Variants in BRD4 observed in about 807,000 individuals in gnomAD.
The protein encoded by BRD4 is bromodomain containing 4, also known as bromodomain-containing protein 4.
In BRD4, 16 loss-of-function variants were observed where a neutral mutation model predicts 142.1. The observed-to-expected ratio is 0.11, with a 90% CI of 0.08 to 0.17. The LOEUF (loss-of-function observed/expected upper bound fraction) is 0.17, where lower values mean the gene tolerates loss of function less well. Among genes scored for constraint, BRD4 ranks in the 10% least tolerant of loss-of-function variants. BRD4 has a pLI of 1.00. For missense variants in BRD4, 1,424 were observed against 1,810.9 expected (o/e 0.79, Z 3.88); for synonymous variants, 833 against 707.5 (o/e 1.18, Z -2.82).
In BRD4 at chr19:15,253,537, C is replaced by T. The variant is rs770613024; in HGVS notation, c.2158+615G>A. The T allele has an allele frequency of 1.5e-5, 23 of 1,538,640 alleles. 1 individual carries two copies. Among genetic ancestry groups the T allele is most frequent in the East Asian group, 1.4e-4 (6 of 41,490 alleles). ...CAGGAGGGACACGCAAGTCCAGGTG[C>T]GTGTGGAGTTAGGGCAGATTCAGGA... On this transcript the variant is annotated intron_variant, in intron 11 of 19. Coordinates refer to ENST00000679869, the MANE Select transcript of BRD4 (RefSeq NM_001379291.1).
At position 15,273,037 on chromosome 19, in the gene BRD4, T is replaced by C; in HGVS notation, c.63A>G (p.Leu21=). Residue 21 remains leucine, a synonymous_variant, in exon 2 of 20, where the codon CTA becomes CTG. Coordinates refer to ENST00000679869, the MANE Select transcript of BRD4 (RefSeq NM_001379291.1). ...LRNLPVMGDG[L]ETSQMSTTQA... ...GTGTTGTAGACATTTGGGAAGTTTC[T>C]AGTCCATCCCCCATTACTGGCAGAT... 6.2e-7 allele frequency: 1 copy of C among 1,613,476 alleles called. No homozygotes were observed. Among genetic ancestry groups the C allele is most frequent in the Non-Finnish European group, 8.5e-7 (1 of 1,179,486 alleles).
At chr19:15,319,238 G>C (rs951985460) in intron 1 of BRD4, among the ~76,000 whole-genome samples, 2 of 152,114 alleles carry the variant, frequency 1.3e-5, no homozygotes, top group Non-Finnish European at 2.9e-5. Flanking sequence ...GGGAGGCCAA[G>C]GTGGGCAGAT....
chr19:15,325,458 C>G (rs1277672054), intron 1 of BRD4, among the ~76,000 whole-genome samples: 1 of 152,108 alleles, frequency 6.6e-6, no homozygotes, highest in Non-Finnish European at 1.5e-5. Flanking sequence ...AAGTCCAACT[C>G]TGGGCAGGAG....
intron 1 of BRD4, among the ~76,000 whole-genome samples, chr19:15,330,644 G>A (rs2048148902): frequency 6.6e-6 from 1 of 152,088 alleles, no homozygotes; most frequent in African/African-American, 2.4e-5. Context: ...GCGGGCGCCT[G>A]TAGTCCCAGC....
At chr19:15,255,212 A>C in intron 10 of BRD4, 85 bp downstream of exon 10, 1 of 1,306,192 alleles carries the variant, frequency 7.7e-7, no homozygotes, top group Non-Finnish European at 1.0e-6. Context: ...GGGGGGGCGC[A>C]GAAAGAGTGG....
intron 1 of BRD4, among the ~76,000 whole-genome samples, chr19:15,291,707 C>T (rs2047783103): frequency 6.6e-6 from 1 of 152,182 alleles, no homozygotes; most frequent in African/African-American, 2.4e-5. Flanking sequence ...AAAACCACAG[C>T]TTCCATTTGG....
At chr19:15,263,300 C>T in intron 7 of BRD4, 120 bp downstream of exon 7, 2 of 1,282,426 alleles carry the variant, frequency 1.6e-6, no homozygotes, top group South Asian at 2.9e-5. Context: ...TCTAAAGCAA[C>T]ATGGCATTAT....
intron 1 of BRD4, among the ~76,000 whole-genome samples, chr19:15,322,922 C>T (rs1389463843): frequency 3.0e-5 from 4 of 135,212 alleles, no homozygotes; most frequent in Non-Finnish European, 3.2e-5. Flanking sequence ...TGGTGGTGGG[C>T]GCCTGTAGTC....
At chr19:15,283,167 C>A (rs919910833) in intron 1 of BRD4, among the ~76,000 whole-genome samples, 5 of 152,068 alleles carry the variant, frequency 3.3e-5, no homozygotes, top group African/African-American at 1.2e-4. Flanking sequence ...ATACGGGGGA[C>A]ACACTTGGAG....
chr19:15,307,258 G>A (rs1323935380), intron 1 of BRD4, among the ~76,000 whole-genome samples: 1 of 152,184 alleles, frequency 6.6e-6, no homozygotes, highest in Non-Finnish European at 1.5e-5. Flanking sequence ...GAGCGCTGCA[G>A]GGTGGGTAGG....
intron 1 of BRD4, among the ~76,000 whole-genome samples, chr19:15,300,012 A>C (rs919745258): frequency 6.6e-6 from 1 of 152,214 alleles, no homozygotes; most frequent in African/African-American, 2.4e-5. Context: ...TGGGAGGCTG[A>C]GGTGAGAGGA....
chr19:15,276,865 G>A (rs148299946), intron 1 of BRD4, among the ~76,000 whole-genome samples: 7 of 152,296 alleles, frequency 4.6e-5, no homozygotes, highest in Non-Finnish European at 8.8e-5. Context: ...CTGTGGAGGA[G>A]AAGGGCAGGG....
In BRD4 at chr19:15,332,537, A is replaced by T. The variant is rs939033068; in HGVS notation, c.-282T>A. 11 of 137,172 alleles carry T rather than the reference A, an allele frequency of 8.0e-5. No homozygotes were observed. The highest frequency in any genetic ancestry group is 1.6e-4 in the Non-Finnish European group (11 of 67,014). 8.5% of individuals were successfully genotyped at this position (137,172 alleles called of 1,614,324 possible). ...CCGCCGCCGCCGCCGCCGCCAGCGC[A>T]CTGACGTCACCGCGCACGCTGCGCG... On this transcript the variant is annotated 5_prime_UTR_variant, in exon 1 of 20. Transcript: ENST00000679869.
chr19:15,255,490 G>A lies in BRD4; in HGVS notation c.1854C>T (p.Leu618=), dbSNP rs1358722056. Residue 618 remains leucine, a synonymous_variant, in exon 10 of 20, where the codon CTC becomes CTT. Transcript: ENST00000679869. The part of the protein sequence containing the change: ...KPMSYEEKRQ[L]SLDINKLPGE... Reference sequence around the variant, plus strand: ...CGGGGAGCTTGTTGATGTCCAAGCTGAGCTGCCGCTTCTCCTCATAGGACA... The same window carrying A: ...CGGGGAGCTTGTTGATGTCCAAGCTAAGCTGCCGCTTCTCCTCATAGGACA... The A allele has an allele frequency of 6.2e-7, 1 of 1,614,078 alleles. No individual in the cohort carries two copies. The highest frequency in any genetic ancestry group is 8.5e-7 in the Non-Finnish European group (1 of 1,180,044).
In BRD4 at chr19:15,239,207, T is replaced by C. The variant is rs201079722; in HGVS notation, c.3634A>G (p.Thr1212Ala). The C allele has an allele frequency of 6.2e-7, 1 of 1,611,604 alleles. No individual in the cohort carries two copies. The highest frequency in any genetic ancestry group is 1.3e-5 in the African/African-American group (1 of 74,606). Residue 1212 changes from threonine to alanine, a missense_variant, in exon 18 of 20, where the codon ACC becomes GCC. Thr to Ala is a moderately conservative substitution (Grantham distance 58). Around this residue, in one of 16 missense-constraint regions of BRD4, gnomAD observed 49 missense variants for 97.3 expected, o/e 0.50. Coordinates refer to ENST00000679869, the MANE Select transcript of BRD4 (RefSeq NM_001379291.1). The surrounding 1 kb of genome is among the most constrained non-coding windows in gnomAD (Gnocchi z 7.4). Reference sequence around the variant, plus strand: ...GATGACTTGGCTGTGGAGGAGGGGGTGGTCGGATGCTTCTGCACTAGGCTG... The same window carrying C: ...GATGACTTGGCTGTGGAGGAGGGGGCGGTCGGATGCTTCTGCACTAGGCTG... ...WASLVQKHPT[T>A]PSSTAKSSSD...
chr19:15,321,179 G>C (rs1421380072), intron 1 of BRD4, among the ~76,000 whole-genome samples: 1 of 152,002 alleles, frequency 6.6e-6, no homozygotes, highest in Admixed American at 6.6e-5. Context: ...AGCCGAGATG[G>C]TGCCACTGCA....
rs978671938 is a variant in BRD4, at chr19:15,288,642, G to A, written c.-34-15509C>T. The stretch of plus-strand genomic sequence containing the variant: ...TTCCCTTGTTTTTACCAAAGCAGCC[G>A]AGCAGCTGGTGCTACACAGGCTGGT... On this transcript the variant is annotated intron_variant, in intron 1 of 19. Coordinates refer to ENST00000679869, the MANE Select transcript of BRD4 (RefSeq NM_001379291.1). Among the ~76,000 whole-genome samples, 6 of 152,170 alleles carry A rather than the reference G, an allele frequency of 3.9e-5. No individual in the cohort carries two copies. The South Asian group carries it at 1.2e-3, about 32-fold the overall frequency.
At position 15,264,677 on chromosome 19, in the gene BRD4, G is replaced by C. The variant is rs776506668; in HGVS notation, c.939C>G (p.Pro313=). 9 of 1,613,540 alleles carry C rather than the reference G, an allele frequency of 5.6e-6. No homozygotes were observed. The South Asian group carries it at 6.6e-5, about 12-fold the overall frequency. ...IHEPPSLPPE[P]KTTKLGQRRE... ...GCCGCTGGCCCAGCTTGGTGGTCTTGGGCTCCGGGGGCAGCGAGGGTGGCT... is the reference window on the plus strand; with the variant it reads ...GCCGCTGGCCCAGCTTGGTGGTCTTCGGCTCCGGGGGCAGCGAGGGTGGCT... Residue 313 remains proline (P), a synonymous_variant, in exon 6 of 20, where the codon CCC becomes CCG. Coordinates refer to ENST00000679869, the MANE Select transcript of BRD4 (RefSeq NM_001379291.1).
In BRD4 at chr19:15,255,279, C is replaced by G; in HGVS notation, c.2047+18G>C. The G allele has an allele frequency of 6.2e-7, 1 of 1,601,210 alleles. No homozygotes were observed. The highest frequency in any genetic ancestry group is 8.5e-7 in the Non-Finnish European group (1 of 1,170,408). ...GTGCCCACAGAAGGAACCCCATGCCCAGGGGGCCCAAGCACACCTTGAGGT... is the reference window on the plus strand; with the variant it reads ...GTGCCCACAGAAGGAACCCCATGCCGAGGGGGCCCAAGCACACCTTGAGGT... On this transcript the variant is annotated intron_variant, in intron 10 of 19. Transcript: ENST00000679869.
Sources: allele counts gnomAD v4.1 joint callset (sites outside exome capture counted in the v4.1 genomes callset), GRCh38; gene constraint gnomAD v4.1.1; regional missense constraint gnomAD v4.1.1; non-coding constraint Gnocchi (gnomAD v3.1); transcripts MANE v1.5; gene names NCBI Gene and HGNC (gene_info 2026-07-23, HGNC 2026-07-21).